RNLS: variants seen among roughly 807,000 people sequenced by gnomAD.
RNLS encodes renalase.
In RNLS, 39 loss-of-function variants were observed where a neutral mutation model predicts 39.8. The observed-to-expected ratio is 0.98, with a 90% CI of 0.76 to 1.28. The LOEUF is 1.28. Among genes scored for constraint, RNLS ranks in the 50% most tolerant of loss-of-function variants. The pLI, the probability that RNLS is intolerant of heterozygous loss-of-function variation, is 0.00. For synonymous variants in RNLS, 147 were observed against 150.7 expected, an observed-to-expected ratio of 0.98 and a Z score of 0.18; for missense variants, 410 against 413.3, an observed-to-expected ratio of 0.99 and a Z score of 0.07.
chr10:88,352,632 G>T (rs1377133739), intron 5 of RNLS, among the ~76,000 whole-genome samples: 1 of 152,198 alleles, frequency 6.6e-6, no homozygotes, highest in Non-Finnish European at 1.5e-5. Context: ...TTGCATCGAT[G>T]TTCATCAGGG....
At chr10:88,566,346 C>T (rs1225044282) in intron 4 of RNLS, among the ~76,000 whole-genome samples, 1 of 151,976 alleles carries the variant, frequency 6.6e-6, no homozygotes. Context: ...AGAACACATA[C>T]CTTAACTGAA....
At chr10:88,238,487 G>A in the RNLS span, among the ~76,000 whole-genome samples, 1 of 152,212 alleles carries the variant, frequency 6.6e-6, no homozygotes, top group African/African-American at 2.4e-5. Context: ...GAGGCTGATG[G>A]ATGTGAGGGG....
At chr10:88,383,699 TA>T (rs1272885703) in intron 4 of RNLS, among the ~76,000 whole-genome samples, 1 of 152,178 alleles carries the variant, frequency 6.6e-6, no homozygotes, top group Non-Finnish European at 1.5e-5. Flanking sequence ...AATGACATGC[TA>T]AAAGGCAAAT....
At chr10:88,181,710 G>C in the RNLS span, among the ~76,000 whole-genome samples, 3 of 152,110 alleles carry the variant, frequency 2.0e-5, no homozygotes, top group Non-Finnish European at 4.4e-5. Context: ...CCGAATTTAA[G>C]GAACATCATT....
rs1296366605 is a variant in RNLS, at chr10:88,526,765, C to CA, written c.526+46137dup. Among the ~76,000 whole-genome samples, 963 of 118,452 alleles carry CA rather than the reference C, an allele frequency of 8.1e-3. 4 individuals are homozygous for CA. Among genetic ancestry groups the CA allele is most frequent in the Middle Eastern group, 0.032 (7 of 216 alleles). The allele number at this position is 118,452 out of a possible 152,430, so 77.7% of individuals were successfully genotyped here. A position where few individuals can be genotyped will look rare whatever the true frequency, so the allele number is the denominator to read the frequency against. ...TGGGTGACAGAGCAAGACTCTGTCT[C>CA]AAAAAAAAAAAAAATCTGGAAGCTA... is the stretch of plus-strand genomic sequence containing the variant. On this transcript the variant is annotated intron_variant, in intron 4 of 6. Coordinates refer to ENST00000331772, the MANE Select transcript of RNLS (RefSeq NM_001031709.3).
At chr10:88,180,333 A>G in the RNLS span, among the ~76,000 whole-genome samples, 5 of 152,216 alleles carry the variant, frequency 3.3e-5, no homozygotes, top group African/African-American at 2.4e-5. Context: ...TTGCAGCTGT[A>G]GAGAGTCAGT....
chr10:88,294,541 G>C (rs184835839), intron 6 of RNLS, among the ~76,000 whole-genome samples: 1 of 151,864 alleles, frequency 6.6e-6, no homozygotes, highest in Non-Finnish European at 1.5e-5. Flanking sequence ...TACCCTTAAC[G>C]TTCTCCTATT....
intron 5 of RNLS, among the ~76,000 whole-genome samples, chr10:88,358,872 T>C (rs1849404430): frequency 6.6e-6 from 1 of 152,242 alleles, no homozygotes; most frequent in African/African-American, 2.4e-5. Flanking sequence ...GTCTCAACCA[T>C]GCCAGACTTT....
At chr10:88,231,511 C>T in the RNLS span, among the ~76,000 whole-genome samples, 1 of 152,278 alleles carries the variant, frequency 6.6e-6, no homozygotes, top group East Asian at 1.9e-4. Flanking sequence ...GGACCTCAGT[C>T]ACCTCATCTG....
intron 3 of RNLS, among the ~76,000 whole-genome samples, chr10:88,580,935 A>C (rs959166411): frequency 2.0e-5 from 3 of 152,180 alleles, no homozygotes; most frequent in Non-Finnish European, 4.4e-5. Flanking sequence ...AAAAATGCAA[A>C]TATCGTTTGA....
intron 4 of RNLS, among the ~76,000 whole-genome samples, chr10:88,528,427 T>TA (rs1310957987): frequency 6.6e-6 from 1 of 152,046 alleles, no homozygotes; most frequent in Non-Finnish European, 1.5e-5. Context: ...AACAAGGGGA[T>TA]AAAGAAAGAA....
intron 5 of RNLS, among the ~76,000 whole-genome samples, chr10:88,341,074 A>AC (rs1329840306): frequency 2.7e-5 from 4 of 149,994 alleles, no homozygotes; most frequent in African/African-American, 9.8e-5. Flanking sequence ...AAAAAAAACA[A>AC]AAAACAGCAA....
intron 5 of RNLS, among the ~76,000 whole-genome samples, chr10:88,350,807 A>G (rs1848639874): frequency 6.6e-6 from 1 of 152,180 alleles, no homozygotes; most frequent in Admixed American, 6.5e-5. Context: ...GAATCGCCGC[A>G]CTGTATTCCA....
intron 5 of RNLS, among the ~76,000 whole-genome samples, chr10:88,350,684 A>G (rs1028691938): frequency 6.6e-6 from 1 of 152,198 alleles, no homozygotes; most frequent in Non-Finnish European, 1.5e-5. Flanking sequence ...TAGTGCTGCA[A>G]TAAATGTATG....
At chr10:88,423,993 T>C (rs1854560889) in intron 4 of RNLS, among the ~76,000 whole-genome samples, 1 of 152,224 alleles carries the variant, frequency 6.6e-6, no homozygotes, top group South Asian at 2.1e-4. Context: ...TCTCATGTCT[T>C]GTTTTTCTTA....
intron 4 of RNLS, among the ~76,000 whole-genome samples, chr10:88,405,495 T>C (rs897526471): frequency 5.9e-5 from 9 of 152,116 alleles, no homozygotes; most frequent in Non-Finnish European, 1.2e-4. Flanking sequence ...AAGTTTATTT[T>C]GTCTGATATA....
the RNLS span, among the ~76,000 whole-genome samples, chr10:88,224,416 G>A: frequency 1.2e-4 from 18 of 152,202 alleles, no homozygotes; most frequent in South Asian, 6.2e-4. Flanking sequence ...ATGAAGGCAT[G>A]AGAAGATATG....
intron 4 of RNLS, among the ~76,000 whole-genome samples, chr10:88,477,593 G>C (rs540630832): frequency 3.3e-5 from 5 of 152,290 alleles, no homozygotes; most frequent in African/African-American, 1.2e-4. Flanking sequence ...AGTGATGACA[G>C]GGATGACAGA....
At chr10:88,263,778 T>G in the RNLS span, among the ~76,000 whole-genome samples, 2 of 152,210 alleles carry the variant, frequency 1.3e-5, no homozygotes, top group African/African-American at 4.8e-5. Flanking sequence ...CTAGGCATTC[T>G]CATCTGTCCA....
Sources: allele counts gnomAD v4.1 joint callset (sites outside exome capture counted in the v4.1 genomes callset), GRCh38; gene constraint gnomAD v4.1.1; transcripts MANE v1.5; gene names NCBI Gene and HGNC (gene_info 2026-07-23, HGNC 2026-07-21).